The following LINGO2 variants were observed in gnomAD, a reference collection of about 807,000 sequenced individuals.
The protein encoded by LINGO2 is leucine rich repeat and Ig domain containing 2, also known as leucine-rich repeat and immunoglobulin-like domain-containing nogo receptor-interacting protein 2.
A neutral mutation model predicts 30.6 loss-of-function variants in LINGO2; 14 were observed. The observed-to-expected ratio is 0.46, with a 90% CI of 0.30 to 0.72. The LOEUF (loss-of-function observed/expected upper bound fraction) is 0.72, where lower values mean the gene tolerates loss of function less well. Ranked by LOEUF, LINGO2 falls within the 30% of genes least tolerant of loss-of-function variation. LINGO2 has a pLI of 0.07. For synonymous variants in LINGO2, 317 were observed against 288.5 expected, an observed-to-expected ratio of 1.10 and a Z score of -1.00; for missense variants, 729 against 751.7, an observed-to-expected ratio of 0.97 and a Z score of 0.35.
the LINGO2 span, among the ~76,000 whole-genome samples, chr9:29,161,581 T>TA: frequency 2.0e-5 from 3 of 152,200 alleles, no homozygotes; most frequent in Non-Finnish European, 4.4e-5. Flanking sequence ...AGGGCCTTGA[T>TA]AGTTTGCTGG....
the LINGO2 span, among the ~76,000 whole-genome samples, chr9:28,699,869 G>T: frequency 1.3e-5 from 2 of 151,914 alleles, no homozygotes; most frequent in Non-Finnish European, 2.9e-5. Context: ...ACTGGGAAAC[G>T]CTAGCCTGGT....
At chr9:28,531,454 T>C (rs73441425) in intron 1 of LINGO2, among the ~76,000 whole-genome samples, 2,306 of 152,274 alleles carry the variant, frequency 0.015, 46 homozygotes, top group East Asian at 0.088. Context: ...TTTCTAGTTA[T>C]GTTTAACAAT....
At chr9:28,795,449 T>C in the LINGO2 span, among the ~76,000 whole-genome samples, 1 of 152,012 alleles carries the variant, frequency 6.6e-6, no homozygotes, top group Non-Finnish European at 1.5e-5. Context: ...ATAATAATTA[T>C]TACATGCCTG....
At chr9:28,446,061 T>C (rs1824413956) in intron 2 of LINGO2, among the ~76,000 whole-genome samples, 3 of 152,198 alleles carry the variant, frequency 2.0e-5, no homozygotes, top group Non-Finnish European at 2.9e-5. Context: ...ATAGAGAAAA[T>C]ACATTATTTT....
At chr9:28,223,045 T>C (rs368959114) in intron 4 of LINGO2, among the ~76,000 whole-genome samples, 1 of 152,200 alleles carries the variant, frequency 6.6e-6, no homozygotes, top group African/African-American at 2.4e-5. Flanking sequence ...GAATAGAAAA[T>C]AAACTGAGGC....
intron 1 of LINGO2, among the ~76,000 whole-genome samples, chr9:28,507,608 A>T (rs1378782321): frequency 6.6e-6 from 1 of 152,188 alleles, no homozygotes; most frequent in Non-Finnish European, 1.5e-5. Flanking sequence ...AGGACTATAT[A>T]TAAGGTATGA....
chr9:29,108,074 T>C, the LINGO2 span, among the ~76,000 whole-genome samples: 1 of 152,156 alleles, frequency 6.6e-6, no homozygotes, highest in Non-Finnish European at 1.5e-5. Flanking sequence ...AAACTAAATA[T>C]GTTTGTCAGT....
chr9:28,810,999 T>G, the LINGO2 span, among the ~76,000 whole-genome samples: 2 of 152,170 alleles, frequency 1.3e-5, no homozygotes, highest in Non-Finnish European at 2.9e-5. Flanking sequence ...TAGCTTCTTA[T>G]TTCCAGCTGA....
chr9:28,547,399 T>C (rs1390177338), intron 1 of LINGO2, among the ~76,000 whole-genome samples: 1 of 152,140 alleles, frequency 6.6e-6, no homozygotes, highest in African/African-American at 2.4e-5. Context: ...CTCTCTGATA[T>C]AAATTTCAAT....
intron 2 of LINGO2, among the ~76,000 whole-genome samples, chr9:28,467,413 G>A (rs982492153): frequency 2.6e-5 from 4 of 152,066 alleles, no homozygotes; most frequent in African/African-American, 9.7e-5. Context: ...ATATTGACAT[G>A]AGAAACGTAT....
downstream of LINGO2, among the ~76,000 whole-genome samples, chr9:27,947,614 G>T (rs1823417188): frequency 6.6e-6 from 1 of 152,188 alleles, no homozygotes; most frequent in Non-Finnish European, 1.5e-5. Flanking sequence ...AGGTAATATT[G>T]TGTGTACAGT....
At chr9:28,188,416 C>A (rs1819620523) in intron 4 of LINGO2, among the ~76,000 whole-genome samples, 1 of 152,152 alleles carries the variant, frequency 6.6e-6, no homozygotes, top group Non-Finnish European at 1.5e-5. Context: ...GCCATCCTCT[C>A]TTCAACCACC....
the LINGO2 span, among the ~76,000 whole-genome samples, chr9:29,078,978 T>A: frequency 3.3e-5 from 5 of 151,922 alleles, no homozygotes; most frequent in African/African-American, 9.7e-5. Flanking sequence ...ACCTATGAAG[T>A]AGGAAGCATT....
At chr9:29,032,079 G>C in the LINGO2 span, among the ~76,000 whole-genome samples, 1 of 152,026 alleles carries the variant, frequency 6.6e-6, no homozygotes, top group Admixed American at 6.6e-5. Context: ...ACAGCAAAAG[G>C]GAAACTTGTA....
At chr9:28,393,735 A>C (rs1490105552) in intron 2 of LINGO2, among the ~76,000 whole-genome samples, 1 of 152,168 alleles carries the variant, frequency 6.6e-6, no homozygotes, top group Non-Finnish European at 1.5e-5. Context: ...CAGCAACTCC[A>C]TCTTTCTGCT....
intron 4 of LINGO2, among the ~76,000 whole-genome samples, chr9:28,027,085 CATA>C (rs1823415410): frequency 6.6e-6 from 1 of 152,168 alleles, no homozygotes; most frequent in Admixed American, 6.5e-5. Flanking sequence ...GTTGTTGCAT[CATA>C]ATACATTACT....
chr9:27,982,970 C>T (rs1255637551), intron 5 of LINGO2, among the ~76,000 whole-genome samples: 1 of 151,754 alleles, frequency 6.6e-6, no homozygotes, highest in Non-Finnish European at 1.5e-5. Context: ...ACAATACGTA[C>T]TCTGTCTTTC....
chr9:28,102,808 T>C (rs1399954140), intron 4 of LINGO2, among the ~76,000 whole-genome samples: 1 of 152,160 alleles, frequency 6.6e-6, no homozygotes, highest in Non-Finnish European at 1.5e-5. Context: ...CTATGACTAT[T>C]TGAAAGTGGA....
At chr9:28,774,673 T>C in the LINGO2 span, among the ~76,000 whole-genome samples, 1 of 152,146 alleles carries the variant, frequency 6.6e-6, no homozygotes, top group Admixed American at 6.5e-5. Flanking sequence ...ACTGCACTTC[T>C]AAATCCACAG....
Sources: gnomAD v4.1 joint callset for allele counts (sites outside exome capture counted in the v4.1 genomes callset) on GRCh38, gnomAD v4.1.1 for gene constraint, MANE v1.5 for transcripts, NCBI Gene and HGNC (gene_info 2026-07-23, HGNC 2026-07-21) for gene names.